DPP10: variants seen among roughly 807,000 people sequenced by gnomAD.
The protein encoded by DPP10 is dipeptidyl peptidase like 10.
In DPP10, 33 loss-of-function variants were observed where a neutral mutation model predicts 120.9. The observed-to-expected ratio is 0.27, with a 90% CI of 0.21 to 0.37. The LOEUF (loss-of-function observed/expected upper bound fraction) is 0.37. Ranked by LOEUF, DPP10 falls within the 10% of genes least tolerant of loss-of-function variation. DPP10 has a pLI of 1.00. For missense variants in DPP10, 816 were observed against 942.8 expected (o/e 0.87, Z 1.76); for synonymous variants, 337 against 326.1 (o/e 1.03, Z -0.36).
intron 3 of DPP10, among the ~76,000 whole-genome samples, chr2:115,398,105 A>G (rs1269610181): frequency 6.6e-6 from 1 of 152,118 alleles, no homozygotes; most frequent in Non-Finnish European, 1.5e-5. Context: ...ATTCATGCAT[A>G]TGAACTTAAA....
intron 1 of DPP10, among the ~76,000 whole-genome samples, chr2:115,201,127 G>C (rs17044174): frequency 6.6e-6 from 1 of 152,070 alleles, no homozygotes; most frequent in South Asian, 2.1e-4. Flanking sequence ...CTCTGAAAGC[G>C]TATCTTTGGT....
chr2:115,309,146 A>G, intron 1 of DPP10, 93 bp from the exon 2 acceptor site: 1 of 924,778 alleles, frequency 1.1e-6, no homozygotes, highest in South Asian at 1.6e-5. Flanking sequence ...CAGCTTTCAA[A>G]CTGTGATTGT....
chr2:114,825,890 T>C (rs1686490745), intron 1 of DPP10, among the ~76,000 whole-genome samples: 1 of 152,126 alleles, frequency 6.6e-6, no homozygotes, highest in African/African-American at 2.4e-5. Flanking sequence ...GGGAGAGAGA[T>C]GATTAATGGT....
At chr2:115,171,224 G>C (rs1270398676) in intron 1 of DPP10, among the ~76,000 whole-genome samples, 3 of 151,930 alleles carry the variant, frequency 2.0e-5, no homozygotes, top group Non-Finnish European at 4.4e-5. Context: ...AGCCAGGTGT[G>C]GTGCCACATG....
intron 5 of DPP10, among the ~76,000 whole-genome samples, chr2:115,643,745 C>T (rs1202891880): frequency 6.6e-6 from 1 of 152,248 alleles, no homozygotes; most frequent in East Asian, 1.9e-4. Flanking sequence ...AATTCCATCC[C>T]CAGATTTTGT....
At chr2:114,778,129 T>A (rs1681927293) in intron 1 of DPP10, among the ~76,000 whole-genome samples, 1 of 152,138 alleles carries the variant, frequency 6.6e-6, no homozygotes, top group Admixed American at 6.5e-5. Context: ...AATGAAATGT[T>A]ATTATAGGTA....
intron 1 of DPP10, among the ~76,000 whole-genome samples, chr2:114,755,949 A>T (rs904768249): frequency 2.5e-5 from 3 of 120,060 alleles, no homozygotes; most frequent in African/African-American, 9.3e-5. Flanking sequence ...CTAGGAAGAA[A>T]TTAAAAAAAA....
At chr2:114,497,425 A>ATATATATGCATCTATATAGATGCATC (rs533618213) in intron 1 of DPP10, among the ~76,000 whole-genome samples, 91 of 66,408 alleles carry the variant, frequency 1.4e-3, no homozygotes, top group African/African-American at 4.0e-3. Flanking sequence ...ATATGCATCT[A>ATATATATGCATCTATATAGATGCATC]TATATATATG....
At chr2:115,450,401 T>C (rs1320648300) in intron 3 of DPP10, among the ~76,000 whole-genome samples, 1 of 152,038 alleles carries the variant, frequency 6.6e-6, no homozygotes, top group Admixed American at 6.6e-5. Flanking sequence ...AGACCATCTG[T>C]ATATGACACT....
intron 1 of DPP10, among the ~76,000 whole-genome samples, chr2:114,692,221 G>A (rs778086983): frequency 5.3e-5 from 8 of 152,014 alleles, no homozygotes; most frequent in Non-Finnish European, 8.8e-5. Flanking sequence ...TGGGCATTTA[G>A]TGCTATTAAG....
At chr2:115,757,103 C>T (rs1679507624) in intron 11 of DPP10, among the ~76,000 whole-genome samples, 1 of 151,840 alleles carries the variant, frequency 6.6e-6, no homozygotes, top group African/African-American at 2.4e-5. Flanking sequence ...TATTCAAACA[C>T]TGTATCATTC....
intron 5 of DPP10, among the ~76,000 whole-genome samples, chr2:115,662,927 A>G (rs1037563942): frequency 6.6e-6 from 1 of 152,184 alleles, no homozygotes. Flanking sequence ...GAGCAAATCA[A>G]TTAAATTTTG....
At chr2:114,448,669 A>C (rs186235107) in intron 1 of DPP10, among the ~76,000 whole-genome samples, 5 of 152,306 alleles carry the variant, frequency 3.3e-5, no homozygotes, top group African/African-American at 1.2e-4. Context: ...AAAATAAGAC[A>C]CATCTGTGCT....
chr2:115,709,349 G>T (rs954334919), intron 7 of DPP10, among the ~76,000 whole-genome samples: 1 of 152,042 alleles, frequency 6.6e-6, no homozygotes, highest in East Asian at 1.9e-4. Flanking sequence ...TGGTGTGCAC[G>T]TACTCAGGCA....
At chr2:115,496,589 C>A (rs2148772237) in intron 3 of DPP10, among the ~76,000 whole-genome samples, 1 of 152,220 alleles carries the variant, frequency 6.6e-6, no homozygotes, top group East Asian at 1.9e-4. Context: ...ACTATGGGGT[C>A]ACGCATTTCT....
intron 4 of DPP10, among the ~76,000 whole-genome samples, chr2:115,517,318 TTTAAA>T (rs1177509099): frequency 6.6e-6 from 1 of 152,184 alleles, no homozygotes; most frequent in Non-Finnish European, 1.5e-5. Context: ...AAACCCAACT[TTTAAA>T]TTAATTCACT....
chr2:114,991,745 A>G (rs1439269112), intron 1 of DPP10, among the ~76,000 whole-genome samples: 4 of 152,236 alleles, frequency 2.6e-5, no homozygotes, highest in Non-Finnish European at 5.9e-5. Context: ...GGACAGAACC[A>G]TTTTGAGAGC....
At chr2:114,542,109 G>A (rs1247325640) in intron 1 of DPP10, among the ~76,000 whole-genome samples, 7 of 145,164 alleles carry the variant, frequency 4.8e-5, no homozygotes, top group Non-Finnish European at 7.5e-5. Context: ...GTGCAGTGGC[G>A]CGATCTTGGC....
At chr2:115,346,534 CT>C (rs968175299) in intron 3 of DPP10, among the ~76,000 whole-genome samples, 6 of 152,106 alleles carry the variant, frequency 3.9e-5, no homozygotes, top group African/African-American at 1.2e-4. Flanking sequence ...ATGGGTGCCC[CT>C]GTTCATGGTT....
Sources: gnomAD v4.1 joint callset for allele counts (sites outside exome capture counted in the v4.1 genomes callset) on GRCh38, gnomAD v4.1.1 for gene constraint, MANE v1.5 for transcripts, NCBI Gene and HGNC (gene_info 2026-07-23, HGNC 2026-07-21) for gene names.